Variants in ZNF141 observed in about 807,000 individuals in gnomAD.
The protein encoded by ZNF141 is zinc finger protein 141 (clone pHZ-44).
In ZNF141, 7 loss-of-function variants were observed where a neutral mutation model predicts 11.3. The ratio of observed to expected loss-of-function variants is 0.62; its 90% confidence interval spans 0.35 to 1.16. The LOEUF (loss-of-function observed/expected upper bound fraction) is 1.16. Among genes scored for constraint, ZNF141 ranks in the 50% most tolerant of loss-of-function variants. The probability of loss-of-function intolerance (pLI) is 0.02; values close to 1 mark genes in which losing one functional copy is unlikely to be tolerated. For synonymous variants in ZNF141, 183 were observed against 190.7 expected (o/e 0.96, Z 0.33); for missense variants, 535 against 554.0 (o/e 0.97, Z 0.34).
At position 373,051 on chromosome 4, in the gene ZNF141, G is replaced by A. The variant is rs1553853841; in HGVS notation, c.614G>A (p.Gly205Asp). ...AAACCCTACACTTGTGAAGAATGTG[G>A]CAAAGCCTTTAAATGGTCTTTAATA... ...GEKPYTCEEC[G>D]KAFKWSLIFN... The change falls in exon 4 of 4, where the codon GGC (glycine) becomes GAC (aspartate). Residue 205 changes from glycine (G) to aspartate (D), a missense_variant. Physicochemically the swap from Gly to Asp is moderately conservative, Grantham distance 94. Transcript: ENST00000240499. The A allele has an allele frequency of 6.2e-7, 1 of 1,613,918 alleles. No individual in the cohort carries two copies. The highest frequency in any genetic ancestry group is 8.5e-7 in the Non-Finnish European group (1 of 1,179,934).
At chr4:341,072 C>CTT (rs34755542) in intron 1 of ZNF141, among the ~76,000 whole-genome samples, 1 of 142,842 alleles carries the variant, frequency 7.0e-6, no homozygotes, top group Non-Finnish European at 1.5e-5. Context: ...AAACATTTTT[C>CTT]TTTTTTTTTT....
rs1712166375 is a variant in ZNF141, at chr4:373,189, G to T, written c.752G>T (p.Gly251Val). Reference protein sequence around the residue: ...HFAKHKIIHTGEKPYKCEECG... With the variant: ...HFAKHKIIHTVEKPYKCEECG... ...GCTAAGCATAAAATAATTCATACTG[G>T]AGAAAAACCCTATAAATGTGAAGAA... Residue 251 changes from glycine (G) to valine (V), a missense_variant, in exon 4 of 4, where the codon GGA becomes GTA. Coordinates refer to ENST00000240499, the MANE Select transcript of ZNF141 (RefSeq NM_003441.4). 6.2e-7 allele frequency: 1 copy of T among 1,613,710 alleles called. No homozygotes were observed. Among genetic ancestry groups the T allele is most frequent in the South Asian group, 1.1e-5 (1 of 91,080 alleles).
Position 381,566 on chromosome 4 carries a change from C to T in ZNF141, c.*7704C>T, listed in dbSNP as rs1002226801. ...TGGGACTAACAGGTGCGCCCCACCA[C>T]GCCTGAAAAATTTTTGTATTTTTAG... On this transcript the variant is annotated 3_prime_UTR_variant, in exon 4 of 4. Coordinates refer to ENST00000240499, the MANE Select transcript of ZNF141 (RefSeq NM_003441.4). Among the ~76,000 whole-genome samples the T allele has an allele frequency of 6.6e-6, 1 of 151,882 alleles. No individual in the cohort carries two copies. The highest frequency in any genetic ancestry group is 2.4e-5 in the African/African-American group (1 of 41,352).
Position 374,404 on chromosome 4 carries a change from C to A in ZNF141, c.*542C>A. 1 of 349,222 alleles carries A rather than the reference C, an allele frequency of 2.9e-6. No homozygotes were observed. Among genetic ancestry groups the A allele is most frequent in the Non-Finnish European group, 5.8e-6 (1 of 172,488 alleles). The allele number at this position is 349,222 out of a possible 1,614,324, so 21.6% of individuals were successfully genotyped here. ...GAAGAATGTGGCACAGTCTTTACCACATCCTCAAACTTTGTTAAACATAAG... is the reference window on the plus strand; with the variant it reads ...GAAGAATGTGGCACAGTCTTTACCAAATCCTCAAACTTTGTTAAACATAAG... On this transcript the variant is annotated 3_prime_UTR_variant, in exon 4 of 4. Transcript: ENST00000240499.
At chr4:338,112 C>T (rs1200489633) in intron 1 of ZNF141, 126 bp downstream of exon 1, 4 of 1,329,840 alleles carry the variant, frequency 3.0e-6, no homozygotes, top group East Asian at 4.8e-5. Context: ...GGCCTCAGTA[C>T]CCTCCGGTGA....
intron 3 of ZNF141, among the ~76,000 whole-genome samples, chr4:361,543 A>G (rs1722114396): frequency 1.3e-5 from 2 of 151,870 alleles, no homozygotes; most frequent in Admixed American, 1.3e-4. Context: ...CAACCCCACG[A>G]CAGGCCCCGG....
At chr4:339,868 T>G (rs565560639) in intron 1 of ZNF141, among the ~76,000 whole-genome samples, 1 of 152,298 alleles carries the variant, frequency 6.6e-6, no homozygotes, top group East Asian at 1.9e-4. Flanking sequence ...CCTCCTGTCC[T>G]GAAGCTGTGG....
At chr4:343,505 CACAAGGTCAGGAGA>C (rs1721158942) in intron 1 of ZNF141, among the ~76,000 whole-genome samples, 1 of 151,948 alleles carries the variant, frequency 6.6e-6, no homozygotes, top group Non-Finnish European at 1.5e-5. Flanking sequence ...GAGGGCGGAT[CACAAGGTCAGGAGA>C]TCAAGACCAT....
chr4:376,680 G>T lies in ZNF141; in HGVS notation c.*2818G>T, dbSNP rs1267866558. ...GTGTTGCTGTAAAGATAAACCTTAGGTGTAAGAAAATTATAGAGCAAGCAA... is the reference window on the plus strand; with the variant it reads ...GTGTTGCTGTAAAGATAAACCTTAGTTGTAAGAAAATTATAGAGCAAGCAA... On this transcript the variant is annotated 3_prime_UTR_variant, in exon 4 of 4. Coordinates refer to ENST00000240499, the MANE Select transcript of ZNF141 (RefSeq NM_003441.4). Among the ~76,000 whole-genome samples the T allele has an allele frequency of 1.3e-5, 2 of 152,126 alleles. No homozygotes were observed. Among genetic ancestry groups the T allele is most frequent in the Middle Eastern group, 3.4e-3 (1 of 294 alleles).
intron 2 of ZNF141, 82 bp from the exon 3 acceptor site, chr4:344,253 A>G (rs1581583014): frequency 1.6e-5 from 20 of 1,214,206 alleles, no homozygotes; most frequent in Non-Finnish European, 1.9e-5. Context: ...TAATATCTCT[A>G]TTCTGCTTAG....
chr4:368,329 C>T (rs1409339751), intron 3 of ZNF141, among the ~76,000 whole-genome samples: 1 of 152,110 alleles, frequency 6.6e-6, no homozygotes, highest in East Asian at 1.9e-4. Context: ...GCAACCTCCA[C>T]GTCCCAGGTT....
Position 369,764 on chromosome 4 carries a change from A to ATGTTTTTTTTTTTTTTTTTT in ZNF141, c.227-2899_227-2898insGTTTTTTTTTTTTTTTTTTT. ...TATATATATATATATATATATATAT[A>ATGTTTTTTTTTTTTTTTTTT]TTTTTTTTTTTTTTTTTTTTGAGAG... On this transcript the variant is annotated intron_variant, in intron 3 of 3. Coordinates refer to ENST00000240499, the MANE Select transcript of ZNF141 (RefSeq NM_003441.4). 1.0e-4 allele frequency among the ~76,000 whole-genome samples: 5 copies of ATGTTTTTTTTTTTTTTTTTT among 48,716 alleles called. 1 individual carries two copies. Among genetic ancestry groups the ATGTTTTTTTTTTTTTTTTTT allele is most frequent in the Non-Finnish European group, 9.2e-5 (3 of 32,492 alleles). The allele number at this position is 48,716 out of a possible 152,430, so 32.0% of individuals were successfully genotyped here.
rs1712602910 is a variant in ZNF141, at chr4:381,289, A to G, written c.*7427A>G. On this transcript the variant is annotated 3_prime_UTR_variant, in exon 4 of 4. Transcript: ENST00000240499. Reference sequence around the variant, plus strand: ...GGTTTTTATTTGTTTATAAAACTTTAAATTTATCTCTAGGAACCTCAGCCG... The same window carrying G: ...GGTTTTTATTTGTTTATAAAACTTTGAATTTATCTCTAGGAACCTCAGCCG... Among the ~76,000 whole-genome samples the G allele has an allele frequency of 6.6e-6, 1 of 151,988 alleles. No homozygotes were observed. The highest frequency in any genetic ancestry group is 2.4e-5 in the African/African-American group (1 of 41,380).
At chr4:342,735 G>T in intron 1 of ZNF141, 1 of 1,272,468 alleles carries the variant, frequency 7.9e-7, no homozygotes. Flanking sequence ...CATTGTTCTG[G>T]GTGAAAAGTC....
chr4:338,238 G>C (rs1720885124), intron 1 of ZNF141: 1 of 455,310 alleles, frequency 2.2e-6, no homozygotes, highest in African/African-American at 2.1e-5. Context: ...GTGAGGAGTA[G>C]CTTATCTGGA....
At position 375,541 on chromosome 4, in the gene ZNF141, GAACT is replaced by G. The variant is rs1463442365; in HGVS notation, c.*1683_*1686del. Among the ~76,000 whole-genome samples the G allele has an allele frequency of 6.6e-6, 1 of 151,744 alleles. No individual in the cohort carries two copies. Among genetic ancestry groups the G allele is most frequent in the African/African-American group, 2.4e-5 (1 of 41,336 alleles). On this transcript the variant is annotated 3_prime_UTR_variant, in exon 4 of 4. Transcript: ENST00000240499. ...AGGATTTACAGTAGAAAGAACTAAG[GAACT>G]AACACTTTAGACACTGCAGTAAATC...
intron 3 of ZNF141, among the ~76,000 whole-genome samples, chr4:356,448 C>T (rs1311308808): frequency 6.6e-6 from 1 of 151,846 alleles, no homozygotes; most frequent in African/African-American, 2.4e-5. Context: ...GCCTCAGCCT[C>T]CCCAGTAGCT....
intron 3 of ZNF141, among the ~76,000 whole-genome samples, chr4:360,813 A>AT (rs782705317): frequency 1.3e-5 from 2 of 152,224 alleles, no homozygotes; most frequent in Non-Finnish European, 2.9e-5. Flanking sequence ...ATTTTAAAAA[A>AT]TATATAAATG....
chr4:338,420 C>A (rs1553847923), intron 1 of ZNF141: 1 of 164,534 alleles, frequency 6.1e-6, no homozygotes, highest in African/African-American at 2.4e-5. Context: ...GGCCGTGGCT[C>A]GTGGTTTGGG....
Sources: allele counts gnomAD v4.1 joint callset (sites outside exome capture counted in the v4.1 genomes callset), GRCh38; gene constraint gnomAD v4.1.1; transcripts MANE v1.5; gene names NCBI Gene and HGNC (gene_info 2026-07-23, HGNC 2026-07-21).